The following PCDHGA3 variants were observed in gnomAD, a reference collection of about 807,000 sequenced individuals.
PCDHGA3 encodes the protein protocadherin gamma subfamily A, 3, also known as protocadherin gamma-A3.
Under a neutral mutation model 58.5 loss-of-function variants are expected in PCDHGA3, and 40 were observed. The ratio of observed to expected loss-of-function variants is 0.68; its 90% CI spans 0.53 to 0.89. PCDHGA3 has a LOEUF of 0.89. Among genes scored for constraint, PCDHGA3 ranks in the 40% least tolerant of loss-of-function variants. The pLI, the probability that PCDHGA3 is intolerant of heterozygous loss-of-function variation, is 0.00. For missense variants in PCDHGA3, 1,223 were observed against 1,195.9 expected (o/e 1.02, Z -0.33); for synonymous variants, 530 against 525.7 (o/e 1.01, Z -0.11).
Position 141,476,085 on chromosome 5 carries a change from G to C in PCDHGA3, c.2425-18722G>C, listed in dbSNP as rs1163057402. On this transcript the variant is annotated intron_variant, in intron 1 of 3. Coordinates refer to ENST00000253812, the MANE Select transcript of PCDHGA3 (RefSeq NM_018916.4). This position sits in a 1 kb window ranked among gnomAD's most constrained non-coding sequence, Gnocchi z 7.6. ...TCAGCGAAATCTCAGGGACGATCTG[G>C]ACCCCGCTGAGAGGAACTGCTTTTG... 1.3e-6 allele frequency: 2 copies of C among 1,551,682 alleles called. No individual in the cohort carries two copies. Among genetic ancestry groups the C allele is most frequent in the East Asian group, 2.3e-5 (1 of 44,392 alleles).
In PCDHGA3 at chr5:141,510,353, C is replaced by G. The variant is rs74759939; in HGVS notation, c.2573-594C>G. On this transcript the variant is annotated intron_variant, in intron 3 of 3. Transcript: ENST00000253812. ...CACCCCCACCCCACACACTTACTAA[C>G]GGAACTACCGAATCTCTACTCGTGC... is the stretch of plus-strand genomic sequence containing the variant. Among the ~76,000 whole-genome samples the G allele has an allele frequency of 1.9e-4, 28 of 146,588 alleles. No homozygotes were observed. The East Asian group carries it at 5.6e-3, about 29-fold the overall frequency.
At chr5:141,355,321 G>A in intron 1 of PCDHGA3, 1 of 1,613,994 alleles carries the variant, frequency 6.2e-7, no homozygotes. Context: ...GGAGCAGGAA[G>A]AAGGCTCAGT....
chr5:141,437,388 C>T (rs1434464979), intron 1 of PCDHGA3, among the ~76,000 whole-genome samples: 1 of 152,186 alleles, frequency 6.6e-6, no homozygotes, highest in Non-Finnish European at 1.5e-5. Context: ...AGACATTCAT[C>T]CACTGCTTTC....
chr5:141,383,872 C>T, intron 1 of PCDHGA3: 1 of 1,613,908 alleles, frequency 6.2e-7, no homozygotes, highest in Non-Finnish European at 8.5e-7. Flanking sequence ...TCAAGATGGT[C>T]CTGGTAGTCT....
intron 1 of PCDHGA3, chr5:141,360,991 G>A (rs773432270): frequency 1.9e-6 from 3 of 1,613,428 alleles, no homozygotes; most frequent in Non-Finnish European, 2.5e-6. Flanking sequence ...TAATGTGGAC[G>A]AACAAGTGAA....
intron 1 of PCDHGA3, chr5:141,400,231 G>C: frequency 6.2e-7 from 1 of 1,613,988 alleles, no homozygotes; most frequent in South Asian, 1.1e-5. Context: ...CTTCCTCCTG[G>C]CCGTGATTCT....
intron 2 of PCDHGA3, among the ~76,000 whole-genome samples, chr5:141,502,358 TA>T (rs1283802909): frequency 6.6e-6 from 1 of 152,134 alleles, no homozygotes; most frequent in African/African-American, 2.4e-5. Context: ...ATGACATGGA[TA>T]TTTTTAAAGA....
At chr5:141,383,843 A>G in intron 1 of PCDHGA3, 4 of 1,613,970 alleles carry the variant, frequency 2.5e-6, no homozygotes, top group Non-Finnish European at 2.5e-6. Flanking sequence ...ACTGCCTTCT[A>G]TGAAATGGAG....
intron 1 of PCDHGA3, among the ~76,000 whole-genome samples, chr5:141,463,572 C>T (rs1462125489): frequency 6.6e-6 from 1 of 151,572 alleles, no homozygotes; most frequent in African/African-American, 2.4e-5. Context: ...CCTCAGCCTC[C>T]CGAGTAGCTG....
Position 141,490,688 on chromosome 5 carries a change from C to G in PCDHGA3, c.2425-4119C>G. 1 of 1,614,218 alleles carries G rather than the reference C, an allele frequency of 6.2e-7. No individual in the cohort carries two copies. Among genetic ancestry groups the G allele is most frequent in the Non-Finnish European group, 8.5e-7 (1 of 1,180,032 alleles). On this transcript the variant is annotated intron_variant, in intron 1 of 3. Coordinates refer to ENST00000253812, the MANE Select transcript of PCDHGA3 (RefSeq NM_018916.4). The surrounding 1 kb of genome is among the most constrained non-coding windows in gnomAD (Gnocchi z 5.4). ...ACTGTGGCTGCCTCAGATCCAGACA[C>G]TGGGGATAATGCCCGCCTCACCTAC...
chr5:141,393,572 G>A, intron 1 of PCDHGA3: 1 of 1,613,908 alleles, frequency 6.2e-7, no homozygotes, highest in Non-Finnish European at 8.5e-7. Context: ...AAGTCCTTGA[G>A]AACATGCCCC....
chr5:141,441,665 A>C (rs994092543), intron 1 of PCDHGA3: 10 of 265,838 alleles, frequency 3.8e-5, no homozygotes, highest in African/African-American at 2.1e-4. Context: ...CCTTGAGCGC[A>C]CAGTGCGCCT....
intron 1 of PCDHGA3, chr5:141,373,829 A>T: frequency 2.5e-6 from 1 of 403,392 alleles, no homozygotes; most frequent in Non-Finnish European, 4.4e-6. Flanking sequence ...ACGATGCAGT[A>T]TTAAGTTAGG....
chr5:141,387,736 A>C, intron 1 of PCDHGA3: 3 of 1,307,572 alleles, frequency 2.3e-6, no homozygotes, highest in East Asian at 2.5e-5. Flanking sequence ...GCCAGCCTTT[A>C]CACCGCTTCC....
chr5:141,499,533 G>T (rs2099792525), intron 2 of PCDHGA3, among the ~76,000 whole-genome samples: 1 of 152,086 alleles, frequency 6.6e-6, no homozygotes, highest in African/African-American at 2.4e-5. Flanking sequence ...AGAGAGAATG[G>T]TGTCATGAAC....
In PCDHGA3 at chr5:141,493,079, G is replaced by A. The variant is rs1299289839; in HGVS notation, c.2425-1728G>A. 6.6e-6 allele frequency among the ~76,000 whole-genome samples: 1 copy of A among 152,204 alleles called. No homozygotes were observed. Among genetic ancestry groups the A allele is most frequent in the East Asian group, 1.9e-4 (1 of 5,196 alleles). Reference sequence around the variant, plus strand: ...AAAAACACAAGTTTCTCCAACTCCAGGAGCTTTTATTCAAAATATATCAAT... The same window carrying A: ...AAAAACACAAGTTTCTCCAACTCCAAGAGCTTTTATTCAAAATATATCAAT... On this transcript the variant is annotated intron_variant, in intron 1 of 3. Transcript: ENST00000253812. The surrounding 1 kb of genome is among the most constrained non-coding windows in gnomAD (Gnocchi z 4.3).
intron 1 of PCDHGA3, chr5:141,422,035 C>A: frequency 6.2e-7 from 1 of 1,611,086 alleles, no homozygotes; most frequent in South Asian, 1.1e-5. Flanking sequence ...TGCAACGGAT[C>A]CAGACGAGGG....
chr5:141,505,377 C>G lies in PCDHGA3; in HGVS notation c.2484-16C>G, dbSNP rs1368451336. 1.9e-6 allele frequency: 3 copies of G among 1,614,036 alleles called. No homozygotes were observed. In the East Asian group the frequency reaches 6.7e-5, roughly 36 times the overall value. On this transcript the variant is annotated splice_polypyrimidine_tract_variant and intron_variant, in intron 2 of 3. Coordinates refer to ENST00000253812, the MANE Select transcript of PCDHGA3 (RefSeq NM_018916.4). Reference sequence around the variant, plus strand: ...CGGCCTGGGAGTCTGTGCTCACCATCCTACTCTCTCCCCAGCTCCCAAAAT... The same window carrying G: ...CGGCCTGGGAGTCTGTGCTCACCATGCTACTCTCTCCCCAGCTCCCAAAAT...
intron 1 of PCDHGA3, among the ~76,000 whole-genome samples, chr5:141,482,048 G>A (rs375214441): frequency 1.3e-5 from 2 of 150,044 alleles, no homozygotes; most frequent in Non-Finnish European, 2.9e-5. Flanking sequence ...TCATGCTGTT[G>A]CATTCCAGCC....
Sources: allele counts gnomAD v4.1 joint callset (sites outside exome capture counted in the v4.1 genomes callset), GRCh38; gene constraint gnomAD v4.1.1; non-coding constraint Gnocchi (gnomAD v3.1); transcripts MANE v1.5; gene names NCBI Gene and HGNC (gene_info 2026-07-23, HGNC 2026-07-21).